The following ATP11C variants were observed in gnomAD, a reference collection of about 807,000 sequenced individuals.
ATP11C encodes ATPase phospholipid transporting 11C (ATP11C blood group).
A neutral mutation model predicts 97.4 loss-of-function variants in ATP11C; 36 were observed. The ratio of observed to expected loss-of-function variants is 0.37; its 90% CI spans 0.28 to 0.49. The LOEUF is 0.49. Among genes scored for constraint, ATP11C ranks in the 20% least tolerant of loss-of-function variants. The pLI is 0.98. For missense variants in ATP11C, 730 were observed against 824.6 expected (o/e 0.89, Z 1.40); for synonymous variants, 275 against 290.9 (o/e 0.95, Z 0.56).
At chrX:139,751,248 A>T (rs2081809129) in intron 23 of ATP11C, among the ~76,000 whole-genome samples, 1 of 111,772 alleles carries the variant, frequency 8.9e-6, no homozygotes, top group Non-Finnish European at 1.9e-5. Flanking sequence ...AGGGAGTTCA[A>T]ATTCTAGATG....
chrX:139,853,502 T>C (rs1270828119), intron 1 of ATP11C, among the ~76,000 whole-genome samples: 1 of 110,067 alleles, frequency 9.1e-6, no homozygotes, highest in African/African-American at 3.3e-5. Flanking sequence ...GATATACAAG[T>C]AGTTAAGAAA....
At position 139,784,823 on chromosome X, in the gene ATP11C, C is replaced by T. The variant is rs938839628; in HGVS notation, c.1666+403G>A. Among the ~76,000 whole-genome samples the T allele has an allele frequency of 4.5e-5, 5 of 111,367 alleles. No homozygotes were observed. In the Admixed American group the frequency reaches 4.8e-4, roughly 11 times the overall value. On this transcript the variant is annotated intron_variant, in intron 16 of 29. Transcript: ENST00000682941. ...AACCAGGAAGGTCAGTGAGGGATAA[C>T]AAGCAACTCCCTATACTCAAGGATT... is the stretch of plus-strand genomic sequence containing the variant.
chrX:139,740,094 T>C (rs779992021), intron 27 of ATP11C, among the ~76,000 whole-genome samples: 4 of 111,635 alleles, frequency 3.6e-5, no homozygotes, highest in African/African-American at 9.7e-5. Flanking sequence ...AATAGAATCA[T>C]TTTGTATGTA....
intron 1 of ATP11C, among the ~76,000 whole-genome samples, chrX:139,880,670 C>T (rs1036355001): frequency 1.8e-5 from 2 of 111,630 alleles, no homozygotes; most frequent in Admixed American, 9.6e-5. Context: ...GGGTCAGATT[C>T]CCCACCTGAT....
chrX:139,730,533 A>G (rs982938226), intron 29 of ATP11C, among the ~76,000 whole-genome samples: 1 of 111,699 alleles, frequency 9.0e-6, no homozygotes, highest in Non-Finnish European at 1.9e-5. Flanking sequence ...CCAGGAAGAC[A>G]GAAGAACCAA....
intron 1 of ATP11C, among the ~76,000 whole-genome samples, chrX:139,873,372 T>C (rs1295600676): frequency 9.0e-6 from 1 of 111,550 alleles, no homozygotes; most frequent in African/African-American, 3.3e-5. Flanking sequence ...GGTTGCACAA[T>C]AGTGTGAATG....
At chrX:139,933,963 G>A (rs1328021545), upstream of ATP11C, among the ~76,000 whole-genome samples, 1 of 112,071 alleles carries the variant, frequency 8.9e-6, no homozygotes, top group Non-Finnish European at 1.9e-5. Context: ...AAGTGCTAGA[G>A]AAATAGGGGA....
intron 5 of ATP11C, among the ~76,000 whole-genome samples, chrX:139,807,165 A>C (rs895307537): frequency 3.6e-5 from 4 of 111,261 alleles, no homozygotes; most frequent in Non-Finnish European, 7.5e-5. Context: ...CAAACAAGAA[A>C]TAGCAGTCTA....
chrX:139,873,063 G>A (rs760626412), intron 1 of ATP11C, among the ~76,000 whole-genome samples: 1 of 112,084 alleles, frequency 8.9e-6, no homozygotes, highest in Non-Finnish European at 1.9e-5. Context: ...CATTTTTAAA[G>A]ACATGCTAAA....
intron 1 of ATP11C, among the ~76,000 whole-genome samples, chrX:139,860,078 C>G (rs1296434329): frequency 2.3e-5 from 2 of 87,200 alleles, no homozygotes; most frequent in Non-Finnish European, 4.2e-5. Flanking sequence ...GCACTCCAGC[C>G]TGGGCGACAG....
chrX:139,926,924 G>A (rs767792219), intron 1 of ATP11C, among the ~76,000 whole-genome samples: 43 of 112,310 alleles, frequency 3.8e-4, no homozygotes, highest in Admixed American at 2.8e-4. Flanking sequence ...ATTTGCAAAA[G>A]AGCAGTTTGC....
In ATP11C at chrX:139,874,206, CTAA is replaced by C. The variant is rs1372284966; in HGVS notation, c.28-47386_28-47384del. On this transcript the variant is annotated intron_variant, in intron 1 of 29. Coordinates refer to ENST00000682941, the MANE Select transcript of ATP11C (RefSeq NM_001353812.2). ...TACAGACGTGTGCCACCATGCCTGG[CTAA>C]TTTTTTTTTTTTTTTTTTTTTTGTA... 7.2e-5 allele frequency among the ~76,000 whole-genome samples: 7 copies of C among 96,893 alleles called. No individual in the cohort carries two copies. In the Admixed American group the frequency reaches 8.1e-4, roughly 11 times the overall value. 84.1% of individuals were successfully genotyped at this position (96,893 alleles called of 115,157 possible).
In ATP11C at chrX:139,802,359, A is replaced by C. The variant is rs765123780; in HGVS notation, c.556-20T>G. On this transcript the variant is annotated intron_variant, in intron 6 of 29. Transcript: ENST00000682941. ...ATGTGTCTAGTTGAAAGCAGAAGAA[A>C]AAGTGAAAACCAAAAAAACTTTCTT... is the stretch of plus-strand genomic sequence containing the variant. 4.9e-5 allele frequency: 54 copies of C among 1,101,221 alleles called. No homozygotes were observed. Among genetic ancestry groups the C allele is most frequent in the Non-Finnish European group, 6.5e-5 (52 of 802,173 alleles). The allele number at this position is 1,101,221 out of a possible 1,213,427, so 90.8% of individuals were successfully genotyped here.
At chrX:139,838,765 T>C (rs938724824) in intron 1 of ATP11C, among the ~76,000 whole-genome samples, 4 of 111,911 alleles carry the variant, frequency 3.6e-5, no homozygotes, top group Non-Finnish European at 7.5e-5. Flanking sequence ...ATGGCCAACA[T>C]GGTGAAACCC....
intron 5 of ATP11C, among the ~76,000 whole-genome samples, chrX:139,809,959 C>T (rs1014963738): frequency 1.1e-4 from 12 of 110,911 alleles, no homozygotes; most frequent in Non-Finnish European, 2.3e-4. Context: ...AGAGCAAACT[C>T]CATCTCAAAG....
intron 28 of ATP11C, among the ~76,000 whole-genome samples, chrX:139,735,485 T>C (rs2081424398): frequency 8.9e-6 from 1 of 111,899 alleles, no homozygotes; most frequent in South Asian, 3.7e-4. Flanking sequence ...CCAGTATCTT[T>C]TGCCTCTCTT....
chrX:139,921,869 C>T (rs1390949269), intron 1 of ATP11C, among the ~76,000 whole-genome samples: 1 of 110,037 alleles, frequency 9.1e-6, no homozygotes, highest in Admixed American at 9.8e-5. Context: ...TGATATATTA[C>T]CCCAAATATA....
intron 1 of ATP11C, among the ~76,000 whole-genome samples, chrX:139,839,419 T>C (rs1422713890): frequency 8.9e-6 from 1 of 112,329 alleles, no homozygotes; most frequent in South Asian, 3.8e-4. Context: ...CCTTGCCTAA[T>C]AGTGGGTCAC....
intron 21 of ATP11C, among the ~76,000 whole-genome samples, 174 bp from the exon 22 acceptor site, chrX:139,762,280 TTAAC>T (rs1030428891): frequency 8.9e-6 from 1 of 112,152 alleles, no homozygotes; most frequent in South Asian, 3.7e-4. Context: ...ACCAAATAAT[TTAAC>T]TAAGTTTAAC....
Sources: gnomAD v4.1 joint callset for allele counts (sites outside exome capture counted in the v4.1 genomes callset) on GRCh38, gnomAD v4.1.1 for gene constraint, MANE v1.5 for transcripts, NCBI Gene and HGNC (gene_info 2026-07-23, HGNC 2026-07-21) for gene names.